The following GAPVD1 variants were observed in gnomAD, a reference collection of about 807,000 sequenced individuals.
GAPVD1 encodes the protein GTPase-activating protein and VPS9 domain-containing protein 1.
In GAPVD1, 35 loss-of-function variants were observed where a neutral mutation model predicts 155.5. That is an observed-to-expected ratio of 0.23 (90% CI 0.17 to 0.30). GAPVD1 has a LOEUF of 0.30. Among genes scored for constraint, GAPVD1 ranks in the 10% least tolerant of loss-of-function variants. GAPVD1 has a pLI of 1.00. For synonymous variants in GAPVD1, 636 were observed against 619.7 expected (o/e 1.03, Z -0.39); for missense variants, 1,429 against 1,775.7 (o/e 0.80, Z 3.51).
intron 4 of GAPVD1, among the ~76,000 whole-genome samples, chr9:125,299,389 G>A (rs1035918061): frequency 1.3e-4 from 20 of 152,210 alleles, no homozygotes; most frequent in African/African-American, 4.6e-4. Flanking sequence ...TGGGCGTGGT[G>A]GCTCACACCT....
Position 125,341,196 on chromosome 9 carries a change from G to A in GAPVD1, c.2897G>A (p.Ser966Asn). ...CTACAGACTGAAGAACGCAAAGATA[G>A]CGATGATGAGAAATCAGACAGGAAC... ...SRGETEERKD[S>N]DDEKSDRNRP... is the part of the protein sequence containing the mutation. The change falls in exon 18 of 28, where the codon AGC (serine) becomes AAC (asparagine). Residue 966 changes from serine (S) to asparagine (N), a missense_variant. Physicochemically the swap from Ser to Asn is conservative, Grantham distance 46 (BLOSUM62 1). This residue lies in a region of GAPVD1 where 699 missense variants were observed against 826.0 expected (regional missense o/e 0.85). Coordinates refer to ENST00000297933, the MANE Select transcript of GAPVD1 (RefSeq NM_001282680.3). 1.2e-6 allele frequency: 2 copies of A among 1,600,810 alleles called. No individual in the cohort carries two copies. The highest frequency in any genetic ancestry group is 1.1e-5 in the South Asian group (1 of 90,852).
rs147322374 is a variant in GAPVD1, at chr9:125,343,062, T to C, written c.3046+763T>C. 4.5e-4 allele frequency among the ~76,000 whole-genome samples: 68 copies of C among 152,314 alleles called. No homozygotes were observed. The East Asian group carries it at 0.013, about 29-fold the overall frequency. ...TGTGTATTGTTTCCAGTGGCTATTA[T>C]AGAGCATCTTGAGCAAGTTTGTTCA... is the stretch of plus-strand genomic sequence containing the variant. On this transcript the variant is annotated intron_variant, in intron 19 of 27. Coordinates refer to ENST00000297933, the MANE Select transcript of GAPVD1 (RefSeq NM_001282680.3).
chr9:125,355,896 T>C (rs779753080), intron 25 of GAPVD1, 39 bp downstream of exon 25: 12 of 1,117,860 alleles, frequency 1.1e-5, no homozygotes, highest in Non-Finnish European at 1.5e-5. Context: ...TGGAACTACA[T>C]AGGGATCTAC....
Position 125,307,430 on chromosome 9 carries a change from C to A in GAPVD1, c.1134C>A (p.Phe378Leu). 1 of 1,606,428 alleles carries A rather than the reference C, an allele frequency of 6.2e-7. No individual in the cohort carries two copies. Residue 378 changes from phenylalanine (F) to leucine (L), a missense_variant, in exon 7 of 28, where the codon TTC becomes TTA. This residue lies in a region of GAPVD1 where 628 missense variants were observed against 733.4 expected (regional missense o/e 0.86). Transcript: ENST00000297933. ...GKFDKSCVAA[F>L]LDVVIGGRAV... ...TTTAACAGAGCTGTGTTGCCGCTTT[C>A]CTTGATGTTGTGATTGGGGGCCGTG...
intron 23 of GAPVD1, among the ~76,000 whole-genome samples, chr9:125,352,508 T>C (rs969639959): frequency 6.6e-6 from 1 of 152,196 alleles, no homozygotes; most frequent in Non-Finnish European, 1.5e-5. Flanking sequence ...CAGCCATGGC[T>C]AGAGCGGCCG....
intron 9 of GAPVD1, among the ~76,000 whole-genome samples, chr9:125,318,291 T>C (rs955446058): frequency 6.6e-6 from 1 of 152,164 alleles, no homozygotes; most frequent in African/African-American, 2.4e-5. Context: ...CCAGCTAAAG[T>C]TTTTTTAGCA....
chr9:125,306,946 A>G (rs1841926160), intron 6 of GAPVD1, among the ~76,000 whole-genome samples: 1 of 152,310 alleles, frequency 6.6e-6, no homozygotes, highest in East Asian at 1.9e-4. Context: ...TCTGGGCAAC[A>G]TGGTGAAACC....
At chr9:125,293,864 A>AAATATATT (rs1427205864) in intron 2 of GAPVD1, among the ~76,000 whole-genome samples, 1 of 14,736 alleles carries the variant, frequency 6.8e-5, no homozygotes, top group African/African-American at 6.8e-4. Context: ...ATATATATAT[A>AAATATATT]TATATATATA....
rs187974936 is a variant in GAPVD1 at position 125,363,138 on chromosome 9, C to G, written c.*392C>G. The G allele has an allele frequency of 6.5e-6, 1 of 153,076 alleles. No homozygotes were observed. Among genetic ancestry groups the G allele is most frequent in the East Asian group, 1.9e-4 (1 of 5,212 alleles). 9.5% of individuals were successfully genotyped at this position (153,076 alleles called of 1,614,324 possible). A position where few individuals can be genotyped will look rare whatever the true frequency, so the allele number is the denominator to read the frequency against. On this transcript the variant is annotated 3_prime_UTR_variant, in exon 28 of 28. Transcript: ENST00000297933. ...ACCCCTCTTTTAAGATGCTGTCTTA[C>G]ATTAATGAGCATCTAATGGAAAGAA...
chr9:125,275,157 C>G (rs527416803), intron 2 of GAPVD1, among the ~76,000 whole-genome samples: 72 of 149,986 alleles, frequency 4.8e-4, no homozygotes, highest in South Asian at 1.7e-3. Context: ...CTCACTGCAA[C>G]CTCTGCCTCC....
chr9:125,332,589 A>G lies in GAPVD1; in HGVS notation c.2388A>G (p.Lys796=). The G allele has an allele frequency of 6.2e-7, 1 of 1,610,360 alleles. No homozygotes were observed. The highest frequency in any genetic ancestry group is 1.1e-5 in the South Asian group (1 of 90,892). ...RSECSSDFGG[K]DSVTSPDMDE... ...AGTGCAGCTCTGATTTTGGGGGTAA[A>G]GATTCTGTCACTAGTCCAGACATGG... Residue 796 remains lysine (K), a synonymous_variant, in exon 15 of 28, where the codon AAA becomes AAG. Transcript: ENST00000297933.
intron 1 of GAPVD1, among the ~76,000 whole-genome samples, chr9:125,267,635 C>T (rs1327898416): frequency 6.6e-6 from 1 of 152,038 alleles, no homozygotes; most frequent in East Asian, 1.9e-4. Context: ...TCTTGAACTC[C>T]TGACCTCAGG....
chr9:125,324,335 A>G (rs1372913713), intron 11 of GAPVD1, among the ~76,000 whole-genome samples: 1 of 152,192 alleles, frequency 6.6e-6, no homozygotes, highest in Non-Finnish European at 1.5e-5. Context: ...TCACACCTGT[A>G]ATCCCAGCAC....
At chr9:125,287,231 T>C (rs1235225924) in intron 2 of GAPVD1, among the ~76,000 whole-genome samples, 1 of 151,958 alleles carries the variant, frequency 6.6e-6, no homozygotes, top group African/African-American at 2.4e-5. Context: ...TATAGAAACA[T>C]GACGATGAAC....
Position 125,298,915 on chromosome 9 carries a change from A to G in GAPVD1, c.-7A>G, listed in dbSNP as rs748212110. 8.9e-6 allele frequency: 14 copies of G among 1,581,576 alleles called. No individual in the cohort carries two copies. Among genetic ancestry groups the G allele is most frequent in the Non-Finnish European group, 1.2e-5 (14 of 1,160,220 alleles). On this transcript the variant is annotated 5_prime_UTR_variant, in exon 4 of 28. Coordinates refer to ENST00000297933, the MANE Select transcript of GAPVD1 (RefSeq NM_001282680.3). ...TGATCAGCCTTTGAGCCTTTCCCAC[A>G]TTGAAGATGGTGAAACTAGATATTC...
intron 3 of GAPVD1, among the ~76,000 whole-genome samples, chr9:125,297,610 A>G (rs1399124192): frequency 6.6e-6 from 1 of 152,214 alleles, no homozygotes; most frequent in East Asian, 1.9e-4. Flanking sequence ...TGTGTGAACT[A>G]GGGTGGGATT....
Position 125,337,524 on chromosome 9 carries a change from C to G in GAPVD1, c.2810C>G (p.Ala937Gly), listed in dbSNP as rs780240488. Reference protein sequence around the residue: ...RELPPAAAIGATSLVAAPHSS... With the variant: ...RELPPAAAIGGTSLVAAPHSS... ...CTCCCTCCAGCTGCAGCCATTGGTG[C>G]TACTTCTTTGGTGGCTGCACCTCAT... Residue 937 changes from alanine to glycine, a missense_variant, in exon 17 of 28, where the codon GCT becomes GGT. By Grantham distance (60) the Ala-to-Gly change is moderately conservative (BLOSUM62 0). Coordinates refer to ENST00000297933, the MANE Select transcript of GAPVD1 (RefSeq NM_001282680.3). 2 of 1,613,918 alleles carry G rather than the reference C, an allele frequency of 1.2e-6. No individual in the cohort carries two copies. Among genetic ancestry groups the G allele is most frequent in the Non-Finnish European group, 1.7e-6 (2 of 1,179,762 alleles).
At chr9:125,322,301 T>C (rs1229559630) in intron 10 of GAPVD1, among the ~76,000 whole-genome samples, 1 of 152,056 alleles carries the variant, frequency 6.6e-6, no homozygotes, top group East Asian at 1.9e-4. Flanking sequence ...CCTGACCTCG[T>C]GATCCGCCCA....
intron 9 of GAPVD1, among the ~76,000 whole-genome samples, chr9:125,316,072 C>T (rs1323929250): frequency 6.6e-6 from 1 of 152,076 alleles, no homozygotes; most frequent in Non-Finnish European, 1.5e-5. Flanking sequence ...CTTCAGAGGC[C>T]ACACATGACA....
Sources: allele counts gnomAD v4.1 joint callset (sites outside exome capture counted in the v4.1 genomes callset), GRCh38; gene constraint gnomAD v4.1.1; regional missense constraint gnomAD v4.1.1; transcripts MANE v1.5; gene names NCBI Gene and HGNC (gene_info 2026-07-23, HGNC 2026-07-21).